DRC8: variants seen among roughly 807,000 people sequenced by gnomAD.
DRC8 encodes dynein regulatory complex subunit 8.
chr1:245,003,942 C>T, the DRC8 span, among the ~76,000 whole-genome samples: 3 of 152,086 alleles, frequency 2.0e-5, no homozygotes, highest in Non-Finnish European at 4.4e-5. Context: ...TGTTGTCAGG[C>T]TAGACTTGAA....
the DRC8 span, among the ~76,000 whole-genome samples, chr1:245,014,220 ACCTGGAAAATTGTTTG>A: frequency 5.6e-3 from 848 of 152,276 alleles, 10 homozygotes; most frequent in African/African-American, 0.019. Flanking sequence ...CAAACAACTG[ACCTGGAAAATTGTTTG>A]CAGTAACTTC....
the DRC8 span, chr1:245,043,954 A>C: frequency 6.6e-6 from 1 of 152,362 alleles, no homozygotes; most frequent in East Asian, 1.9e-4. Flanking sequence ...CACTTATCTA[A>C]GATCAGAACA....
chr1:245,004,456 C>T, the DRC8 span, among the ~76,000 whole-genome samples: 5 of 148,300 alleles, frequency 3.4e-5, no homozygotes. Context: ...GTATGTTACC[C>T]AGTCTCAAAC....
chr1:244,995,206 C>CA, the DRC8 span, among the ~76,000 whole-genome samples: 2 of 151,884 alleles, frequency 1.3e-5, no homozygotes, highest in African/African-American at 2.4e-5. Context: ...ACTAAAAATA[C>CA]AAAAATTAGC....
At chr1:245,050,802 A>G in the DRC8 span, among the ~76,000 whole-genome samples, 1 of 151,936 alleles carries the variant, frequency 6.6e-6, no homozygotes, top group Admixed American at 6.6e-5. Context: ...CTCCTCTGCA[A>G]GTGCTCTTAT....
chr1:245,098,861 G>A, the DRC8 span, among the ~76,000 whole-genome samples: 2 of 152,204 alleles, frequency 1.3e-5, no homozygotes, highest in Non-Finnish European at 2.9e-5. Context: ...TCGATCCAGC[G>A]GAGCCCGTGT....
At chr1:245,113,534 T>C in the DRC8 span, among the ~76,000 whole-genome samples, 1,518 of 152,274 alleles carry the variant, frequency 1.0e-2, 11 homozygotes, top group Middle Eastern at 0.037. Flanking sequence ...TGGCAGCTCC[T>C]GGGAAAAAGT....
chr1:245,024,551 C>CTT, the DRC8 span, among the ~76,000 whole-genome samples: 34,926 of 140,562 alleles, frequency 0.25, 4,597 homozygotes, highest in Middle Eastern at 0.31. Context: ...TTTTCTTTCT[C>CTT]TTTTTTTTTT....
the DRC8 span, among the ~76,000 whole-genome samples, chr1:245,045,890 C>T: frequency 1.3e-5 from 2 of 152,152 alleles, no homozygotes; most frequent in Non-Finnish European, 2.9e-5. Context: ...CATCTGCCTA[C>T]CAGAAAAGGT....
At chr1:245,040,513 A>G in the DRC8 span, among the ~76,000 whole-genome samples, 1 of 152,224 alleles carries the variant, frequency 6.6e-6, no homozygotes, top group Non-Finnish European at 1.5e-5. Flanking sequence ...CGAGTCAGAT[A>G]TCGTCTCAAA....
chr1:245,004,304 A>G, the DRC8 span, among the ~76,000 whole-genome samples: 2 of 151,964 alleles, frequency 1.3e-5, no homozygotes, highest in Admixed American at 6.6e-5. Context: ...TATACAGGAA[A>G]CTCTTTAGGA....
chr1:244,996,509 A>G, the DRC8 span, among the ~76,000 whole-genome samples: 1 of 152,138 alleles, frequency 6.6e-6, no homozygotes, highest in African/African-American at 2.4e-5. Flanking sequence ...GTCTTGAAGA[A>G]TTTCGTAGCC....
chr1:245,045,747 C>G, the DRC8 span, among the ~76,000 whole-genome samples: 1 of 75,902 alleles, frequency 1.3e-5, no homozygotes, highest in African/African-American at 4.6e-5. Flanking sequence ...GGCCATTAGT[C>G]TGACTGGTTG....
the DRC8 span, among the ~76,000 whole-genome samples, chr1:245,115,111 C>T: frequency 6.6e-6 from 1 of 152,194 alleles, no homozygotes; most frequent in African/African-American, 2.4e-5. Context: ...AGTGCAGTGG[C>T]ACGATCTCGG....
the DRC8 span, among the ~76,000 whole-genome samples, chr1:244,995,134 G>A: frequency 0.011 from 1,699 of 151,968 alleles, 27 homozygotes; most frequent in African/African-American, 0.039. Flanking sequence ...AGGCCAAGGC[G>A]GGCAGATCAT....
the DRC8 span, among the ~76,000 whole-genome samples, chr1:245,022,669 CAG>C: frequency 1.3e-5 from 2 of 152,026 alleles, no homozygotes; most frequent in Non-Finnish European, 2.9e-5. Context: ...CTAATTCTTC[CAG>C]AGATTCTCCA....
At chr1:245,041,562 A>G in the DRC8 span, among the ~76,000 whole-genome samples, 1 of 152,136 alleles carries the variant, frequency 6.6e-6, no homozygotes, top group Non-Finnish European at 1.5e-5. Flanking sequence ...GTAAGATGTC[A>G]TTATTGTTAT....
the DRC8 span, chr1:244,971,209 A>G: frequency 1.3e-5 from 2 of 151,964 alleles, no homozygotes; most frequent in Non-Finnish European, 2.9e-5. Flanking sequence ...TGTCTTAAAA[A>G]AAAAAAAAGA....
chr1:244,993,306 CGCACATGTAGAAT>C, the DRC8 span, among the ~76,000 whole-genome samples: 1 of 152,208 alleles, frequency 6.6e-6, no homozygotes, highest in Admixed American at 6.5e-5. Flanking sequence ...TCACGTTTCT[CGCACATGTAGAAT>C]GCACTCACTC....
Sources: gnomAD v4.1 joint callset for allele counts (sites outside exome capture counted in the v4.1 genomes callset) on GRCh38, gnomAD v4.1.1 for gene constraint, MANE v1.5 for transcripts, NCBI Gene and HGNC (gene_info 2026-07-23, HGNC 2026-07-21) for gene names.